Variants in PDE4D observed in about 807,000 individuals in gnomAD.
PDE4D encodes 3',5'-cyclic-AMP phosphodiesterase 4D.
Under a neutral mutation model 87.4 loss-of-function variants are expected in PDE4D, and 24 were observed. The ratio of observed to expected loss-of-function variants is 0.27; its 90% CI spans 0.20 to 0.39. PDE4D has a LOEUF of 0.39. Ranked by LOEUF, PDE4D falls within the 10% of genes least tolerant of loss-of-function variation. The pLI, the probability that PDE4D is intolerant of heterozygous loss-of-function variation, is 1.00. For missense variants in PDE4D, 714 were observed against 1,041.0 expected, an observed-to-expected ratio of 0.69 and a Z score of 4.32; for synonymous variants, 384 against 383.2, an observed-to-expected ratio of 1.00 and a Z score of -0.02.
chr5:59,932,242 T>C lies in PDE4D; in HGVS notation c.272+56246A>G, dbSNP rs114284986. On this transcript the variant is annotated intron_variant, in intron 3 of 16. Coordinates refer to the PDE4D transcript ENST00000502484. ...TCTCCTGTCAAAAATGCAGTTCAAC[T>C]CAACAGATAATGTATTGAGCACTGA... Among the ~76,000 whole-genome samples the C allele has an allele frequency of 2.9e-3, 445 of 152,286 alleles. 2 individuals are homozygous for C. The highest frequency in any genetic ancestry group is 1.0e-2 in the African/African-American group (415 of 41,556).
intron 2 of PDE4D, among the ~76,000 whole-genome samples, chr5:60,070,021 T>C (rs1275198978): frequency 6.6e-6 from 1 of 152,148 alleles, no homozygotes. Context: ...TTCTGGTATG[T>C]TGATTTTGTA....
In PDE4D at chr5:59,055,241, T is replaced by C. The variant is rs1415851560; in HGVS notation, c.809-16270A>G. Among the ~76,000 whole-genome samples the C allele has an allele frequency of 2.0e-5, 3 of 152,112 alleles. No individual in the cohort carries two copies. In the East Asian group the frequency reaches 5.8e-4, roughly 29 times the overall value. ...AGGACACCTTTCCGTTTGGCCCTCA[T>C]TTTCCTAGATCTTTCCTCCCTTCCT... On this transcript the variant is annotated intron_variant, in intron 5 of 14. Transcript: ENST00000340635.
intron 6 of PDE4D, among the ~76,000 whole-genome samples, chr5:58,999,263 A>G (rs528544774): frequency 6.6e-6 from 1 of 151,800 alleles, no homozygotes; most frequent in Admixed American, 6.6e-5. Context: ...CACATGACAA[A>G]CAGAAGAACT....
At chr5:59,625,601 A>T (rs1488833170) in intron 1 of PDE4D, among the ~76,000 whole-genome samples, 1 of 152,172 alleles carries the variant, frequency 6.6e-6, no homozygotes, top group African/African-American at 2.4e-5. Context: ...TGGATAATTT[A>T]TTGCTGCATC....
At chr5:59,533,730 A>C (rs1281883650) in intron 1 of PDE4D, among the ~76,000 whole-genome samples, 1 of 152,228 alleles carries the variant, frequency 6.6e-6, no homozygotes, top group Non-Finnish European at 1.5e-5. Flanking sequence ...GCTGTACCAC[A>C]GATCTACAGA....
At chr5:59,115,913 T>G (rs1303596272) in intron 5 of PDE4D, among the ~76,000 whole-genome samples, 1 of 152,188 alleles carries the variant, frequency 6.6e-6, no homozygotes, top group African/African-American at 2.4e-5. Flanking sequence ...TAATTAATAA[T>G]AGTTTTAAAA....
intron 1 of PDE4D, among the ~76,000 whole-genome samples, chr5:59,778,301 C>T (rs935001985): frequency 2.6e-5 from 4 of 152,214 alleles, no homozygotes; most frequent in African/African-American, 9.6e-5. Context: ...AACTCAATAC[C>T]TAGCCTTATA....
At chr5:60,437,053 C>T (rs1351963901) in intron 1 of PDE4D, among the ~76,000 whole-genome samples, 1 of 152,002 alleles carries the variant, frequency 6.6e-6, no homozygotes, top group East Asian at 1.9e-4. Flanking sequence ...GACCTCAACA[C>T]AATCACTTTT....
intron 1 of PDE4D, among the ~76,000 whole-genome samples, chr5:60,265,238 C>T (rs1562271102): frequency 6.6e-6 from 1 of 152,150 alleles, no homozygotes; most frequent in South Asian, 2.1e-4. Context: ...ACACAGGCCA[C>T]ACAGGGGCCA....
chr5:59,841,244 G>A (rs1306004033), intron 1 of PDE4D, among the ~76,000 whole-genome samples: 1 of 152,094 alleles, frequency 6.6e-6, no homozygotes, highest in Non-Finnish European at 1.5e-5. Flanking sequence ...TGAACTGGAA[G>A]TGGATGTGAG....
At chr5:59,965,696 T>G (rs1442866022) in intron 3 of PDE4D, among the ~76,000 whole-genome samples, 2 of 152,158 alleles carry the variant, frequency 1.3e-5, no homozygotes, top group Non-Finnish European at 2.9e-5. Flanking sequence ...TTTACAAGCT[T>G]AAATATCCTG....
intron 1 of PDE4D, among the ~76,000 whole-genome samples, chr5:60,477,700 A>C (rs1353949193): frequency 6.6e-6 from 1 of 152,200 alleles, no homozygotes; most frequent in African/African-American, 2.4e-5. Context: ...TGTGACACAC[A>C]AAGAGACTTG....
chr5:60,184,931 GCTTT>G (rs1257673765), intron 2 of PDE4D, among the ~76,000 whole-genome samples: 2 of 152,090 alleles, frequency 1.3e-5, no homozygotes, highest in Non-Finnish European at 2.9e-5. Context: ...TCCTTGTGTG[GCTTT>G]CTTTGAGTTG....
chr5:59,324,206 C>G (rs1581958751), intron 1 of PDE4D, among the ~76,000 whole-genome samples: 1 of 152,186 alleles, frequency 6.6e-6, no homozygotes, highest in Admixed American at 6.5e-5. Context: ...CGTGTTCCTA[C>G]AGCATCCTGC....
intron 1 of PDE4D, among the ~76,000 whole-genome samples, chr5:59,604,244 T>A (rs1413358079): frequency 6.6e-6 from 1 of 151,954 alleles, no homozygotes; most frequent in Non-Finnish European, 1.5e-5. Context: ...AAATCTTAAT[T>A]TTTTCGTCTG....
chr5:59,586,711 G>A (rs547778486), intron 1 of PDE4D: 116 of 985,270 alleles, frequency 1.2e-4, no homozygotes, highest in East Asian at 2.3e-4. Context: ...AAATCTAACC[G>A]CCTTGAGTGT....
intron 2 of PDE4D, among the ~76,000 whole-genome samples, chr5:60,039,533 C>G (rs981058275): frequency 6.6e-6 from 1 of 151,352 alleles, no homozygotes; most frequent in Non-Finnish European, 1.5e-5. Context: ...CATGTATACA[C>G]ATGTAACTAA....
intron 1 of PDE4D, among the ~76,000 whole-genome samples, chr5:59,348,975 G>A (rs1780067202): frequency 6.6e-6 from 1 of 152,034 alleles, no homozygotes; most frequent in African/African-American, 2.4e-5. Context: ...TAGCTACCCA[G>A]GAGGCTGTGG....
intron 1 of PDE4D, among the ~76,000 whole-genome samples, chr5:59,850,260 G>A (rs964173286): frequency 6.6e-6 from 1 of 152,088 alleles, no homozygotes; most frequent in East Asian, 1.9e-4. Context: ...AATAATCAAA[G>A]TTGTTATTTT....
Sources: allele counts gnomAD v4.1 joint callset (sites outside exome capture counted in the v4.1 genomes callset), GRCh38; gene constraint gnomAD v4.1.1; transcripts MANE v1.5; gene names NCBI Gene and HGNC (gene_info 2026-07-23, HGNC 2026-07-21).